The following CACNA1B variants were observed in gnomAD, a reference collection of about 807,000 sequenced individuals.
CACNA1B encodes the protein calcium voltage-gated channel subunit alpha1 B, also known as voltage-dependent N-type calcium channel subunit alpha-1B.
CACNA1B carries 70 observed loss-of-function variants against 247.2 expected under a neutral mutation model. That is an observed-to-expected ratio of 0.28 (90% CI 0.23 to 0.35). CACNA1B has a LOEUF of 0.35. CACNA1B is among the 10% of genes least tolerant of loss of function. The pLI, the probability that CACNA1B is intolerant of heterozygous loss-of-function variation, is 1.00. For missense variants in CACNA1B, 2,367 were observed against 3,197.4 expected, an observed-to-expected ratio of 0.74 and a Z score of 6.26; for synonymous variants, 1,231 against 1,294.4, an observed-to-expected ratio of 0.95 and a Z score of 1.05.
chr9:137,938,477 A>G (rs1005183422), intron 6 of CACNA1B, among the ~76,000 whole-genome samples: 1 of 152,196 alleles, frequency 6.6e-6, no homozygotes, highest in Non-Finnish European at 1.5e-5. Context: ...GGTGGAATGC[A>G]TAAGGATTCA....
In CACNA1B at chr9:138,042,342, C is replaced by T. The variant is rs565843207; in HGVS notation, c.3287-1432C>T. On this transcript the variant is annotated intron_variant, in intron 20 of 46. Transcript: ENST00000371372. ...GCGTGCGCCTGTAATCCCAGCTACTCGGGATGCGGAGGCAGGAGAATCACT... is the reference window on the plus strand; with the variant it reads ...GCGTGCGCCTGTAATCCCAGCTACTTGGGATGCGGAGGCAGGAGAATCACT... Among the ~76,000 whole-genome samples, 45 of 152,208 alleles carry T rather than the reference C, an allele frequency of 3.0e-4. 1 individual carries two copies. In the South Asian group the frequency reaches 6.4e-3, roughly 22 times the overall value.
chr9:138,120,014 A>G lies in CACNA1B; in HGVS notation c.6031-151A>G, dbSNP rs558366730. ...TGCCCCCAGCCTGCCCTCCTGGGCT[A>G]CCATTTCAGGCCTGGGTCCTTCTGA... is the stretch of plus-strand genomic sequence containing the variant. On this transcript the variant is annotated intron_variant, in intron 44 of 46. Coordinates refer to ENST00000371372, the MANE Select transcript of CACNA1B (RefSeq NM_000718.4). 2.7e-5 allele frequency: 18 copies of G among 664,578 alleles called. No homozygotes were observed. In the East Asian group the frequency reaches 2.8e-4, roughly 10 times the overall value. 41.2% of individuals were successfully genotyped at this position (664,578 alleles called of 1,614,324 possible).
chr9:137,928,838 A>G (rs80243515), intron 6 of CACNA1B, among the ~76,000 whole-genome samples: 1,884 of 152,280 alleles, frequency 0.012, 43 homozygotes, highest in African/African-American at 0.042. Context: ...GTCTCTGTAG[A>G]TTTGTCTATT....
chr9:138,047,337 C>G, intron 22 of CACNA1B, 62 bp from the exon 23 acceptor site: 1 of 1,300,706 alleles, frequency 7.7e-7, no homozygotes, highest in Middle Eastern at 1.8e-4. Flanking sequence ...TCGGAGCCAC[C>G]GAGGGCACCC....
At chr9:137,903,539 T>C (rs778323421) in intron 3 of CACNA1B, among the ~76,000 whole-genome samples, 1 of 152,236 alleles carries the variant, frequency 6.6e-6, no homozygotes, top group Non-Finnish European at 1.5e-5. Context: ...TTCTCCTTGC[T>C]TTTCTTCTTT....
rs1362770479 is a variant in CACNA1B at position 137,888,003 on chromosome 9, G to C, written c.530+5120G>C. Among the ~76,000 whole-genome samples, 1 of 151,816 alleles carries C rather than the reference G, an allele frequency of 6.6e-6. No homozygotes were observed. The highest frequency in any genetic ancestry group is 1.9e-4 in the East Asian group (1 of 5,156). On this transcript the variant is annotated intron_variant, in intron 3 of 46. Coordinates refer to ENST00000371372, the MANE Select transcript of CACNA1B (RefSeq NM_000718.4). This position sits in a 1 kb window ranked among gnomAD's most constrained non-coding sequence, Gnocchi z 4.7. The stretch of plus-strand genomic sequence containing the variant: ...GCTCCAGCAGGGGAGAGGCTGGGAG[G>C]GTGGCGGGGGCAGGGGGGCCTTGGC...
At chr9:138,089,532 G>T (rs1284237669) in intron 36 of CACNA1B, among the ~76,000 whole-genome samples, 1 of 152,136 alleles carries the variant, frequency 6.6e-6, no homozygotes, top group Admixed American at 6.6e-5. Flanking sequence ...AATAAAGGTT[G>T]TATATGACAA....
chr9:138,037,706 C>T (rs150438133), intron 20 of CACNA1B, among the ~76,000 whole-genome samples: 1 of 152,098 alleles, frequency 6.6e-6, no homozygotes, highest in East Asian at 1.9e-4. Flanking sequence ...CAGTTCCCTT[C>T]TTTTGGAAGG....
intron 41 of CACNA1B, 92 bp downstream of exon 41, chr9:138,114,582 C>A: frequency 1.5e-6 from 1 of 648,936 alleles, no homozygotes; most frequent in Admixed American, 2.8e-5. Flanking sequence ...AGATGCACAC[C>A]ATTCTTGGAA....
chr9:138,068,846 G>T (rs896438233), intron 31 of CACNA1B, among the ~76,000 whole-genome samples: 1 of 152,212 alleles, frequency 6.6e-6, no homozygotes, highest in African/African-American at 2.4e-5. Flanking sequence ...CCCCAAAGAG[G>T]CCCTGGTGTA....
At position 137,888,398 on chromosome 9, in the gene CACNA1B, G is replaced by A. The variant is rs566403623; in HGVS notation, c.530+5515G>A. Among the ~76,000 whole-genome samples the A allele has an allele frequency of 6.6e-6, 1 of 152,266 alleles. No homozygotes were observed. The highest frequency in any genetic ancestry group is 1.5e-5 in the Non-Finnish European group (1 of 67,998). On this transcript the variant is annotated intron_variant, in intron 3 of 46. Transcript: ENST00000371372. This position sits in a 1 kb window ranked among gnomAD's most constrained non-coding sequence, Gnocchi z 4.7. ...CCCTGTCAAGCCTCTGGCCCTGTGG[G>A]GCTGGTTGCACCTGGGGGTCAGGGA...
chr9:138,003,541 T>C (rs1448356466), intron 15 of CACNA1B, among the ~76,000 whole-genome samples: 2 of 152,126 alleles, frequency 1.3e-5, no homozygotes, highest in Non-Finnish European at 2.9e-5. Flanking sequence ...ATAAGACTGA[T>C]ATTTAATTAC....
In CACNA1B at chr9:138,120,662, C is replaced by T. The variant is rs528092682; in HGVS notation, c.6270C>T (p.Pro2090=). The T allele has an allele frequency of 1.3e-6, 2 of 1,509,114 alleles. No individual in the cohort carries two copies. Among genetic ancestry groups the T allele is most frequent in the Admixed American group, 2.6e-5 (1 of 38,182 alleles). The allele number at this position is 1,509,114 out of a possible 1,614,324, so 93.5% of individuals were successfully genotyped here. ...GCAGTGCTGTGGGGCCGGGGCTGCCCCCGGGAGAGGGGCCTACAGGCTGCC... is the reference window on the plus strand; with the variant it reads ...GCAGTGCTGTGGGGCCGGGGCTGCCTCCGGGAGAGGGGCCTACAGGCTGCC... ...APSSAVGPGL[P]PGEGPTGCRR... The change falls in exon 46 of 47, where the codon CCC becomes CCT. Residue 2090 remains proline, a synonymous_variant. Coordinates refer to ENST00000371372, the MANE Select transcript of CACNA1B (RefSeq NM_000718.4).
chr9:138,024,791 C>T (rs537402339), intron 19 of CACNA1B, among the ~76,000 whole-genome samples, 164 bp from the exon 20 acceptor site: 45 of 152,296 alleles, frequency 3.0e-4, no homozygotes, highest in African/African-American at 5.3e-4. Flanking sequence ...CGTGTCACCA[C>T]GCCCAGCTAA....
At chr9:138,077,129 C>T (rs1320272068) in intron 35 of CACNA1B, among the ~76,000 whole-genome samples, 1 of 152,220 alleles carries the variant, frequency 6.6e-6, no homozygotes, top group African/African-American at 2.4e-5. Context: ...CCTTATCAGT[C>T]AGGCCCAGCA....
chr9:137,916,413 T>G (rs1044992089), intron 5 of CACNA1B, among the ~76,000 whole-genome samples: 1 of 152,202 alleles, frequency 6.6e-6, no homozygotes, highest in African/African-American at 2.4e-5. Context: ...GCTTGCTATC[T>G]TGTTCCAGAG....
chr9:137,960,866 T>C (rs1439748004), intron 10 of CACNA1B, among the ~76,000 whole-genome samples: 2 of 152,010 alleles, frequency 1.3e-5, no homozygotes, highest in African/African-American at 4.8e-5. Context: ...CTCCATCATG[T>C]TTGTTTTGTT....
chr9:137,987,050 C>A (rs997859360), intron 15 of CACNA1B, among the ~76,000 whole-genome samples, 196 bp downstream of exon 15: 1 of 152,220 alleles, frequency 6.6e-6, no homozygotes, highest in Admixed American at 6.5e-5. Context: ...CCGGGGGCCC[C>A]AGCCCCTACG....
intron 15 of CACNA1B, among the ~76,000 whole-genome samples, chr9:138,001,649 A>T: frequency 6.6e-6 from 1 of 152,154 alleles, no homozygotes. Flanking sequence ...TGCAAATGTG[A>T]TTATTTACTA....
Sources: allele counts gnomAD v4.1 joint callset (sites outside exome capture counted in the v4.1 genomes callset), GRCh38; gene constraint gnomAD v4.1.1; non-coding constraint Gnocchi (gnomAD v3.1); transcripts MANE v1.5; gene names NCBI Gene and HGNC (gene_info 2026-07-23, HGNC 2026-07-21).